The following PREX1 variants were observed in gnomAD, a reference collection of about 807,000 sequenced individuals.
The protein encoded by PREX1 is phosphatidylinositol 3,4,5-trisphosphate-dependent Rac exchanger 1 protein.
Under a neutral mutation model 198.3 loss-of-function variants are expected in PREX1, and 41 were observed. The observed-to-expected ratio is 0.21, with a 90% CI of 0.16 to 0.27. PREX1 has a LOEUF of 0.27. PREX1 is among the 10% of genes least tolerant of loss of function. PREX1 has a pLI of 1.00. For missense variants in PREX1, 1,620 were observed against 2,200.7 expected (o/e 0.74, Z 5.28); for synonymous variants, 843 against 887.2 (o/e 0.95, Z 0.89).
chr20:48,733,623 G>A (rs1023250436), intron 4 of PREX1, among the ~76,000 whole-genome samples: 1 of 152,082 alleles, frequency 6.6e-6, no homozygotes, highest in African/African-American at 2.4e-5. Context: ...GACATCATTT[G>A]AACACCCAGA....
chr20:48,717,052 A>T, intron 5 of PREX1, among the ~76,000 whole-genome samples: 1 of 152,174 alleles, frequency 6.6e-6, no homozygotes, highest in Middle Eastern at 3.2e-3. Flanking sequence ...ATGTCATAAA[A>T]ACAATAAAGT....
chr20:48,782,728 G>A (rs531778952), intron 1 of PREX1, among the ~76,000 whole-genome samples: 1 of 152,272 alleles, frequency 6.6e-6, no homozygotes, highest in Admixed American at 6.5e-5. Flanking sequence ...CCCAGGTAGA[G>A]GAAACAGCAC....
At chr20:48,776,919 C>T (rs907732632) in intron 1 of PREX1, among the ~76,000 whole-genome samples, 3 of 152,154 alleles carry the variant, frequency 2.0e-5, no homozygotes, top group Admixed American at 2.0e-4. Context: ...TCACACACAG[C>T]GAGTGGCAGA....
chr20:48,708,538 A>G, intron 5 of PREX1, 117 bp from the exon 6 acceptor site: 2 of 1,135,644 alleles, frequency 1.8e-6, no homozygotes, highest in South Asian at 1.5e-5. Flanking sequence ...TGGACATTAC[A>G]TTCTAGTAAA....
chr20:48,826,648 A>G (rs1477155016), intron 1 of PREX1, among the ~76,000 whole-genome samples: 1 of 152,222 alleles, frequency 6.6e-6, no homozygotes, highest in Non-Finnish European at 1.5e-5. Context: ...TGAGGCCAGG[A>G]GTCCAAGACC....
intron 25 of PREX1, 125 bp from the exon 26 acceptor site, chr20:48,646,182 A>G (rs2089449819): frequency 1.1e-6 from 1 of 927,892 alleles, no homozygotes; most frequent in Non-Finnish European, 1.6e-6. Context: ...GAGACTCGCA[A>G]GTTCTTTCAC....
chr20:48,861,107 CTA>C, the PREX1 span, among the ~76,000 whole-genome samples: 1 of 152,174 alleles, frequency 6.6e-6, no homozygotes, highest in Non-Finnish European at 1.5e-5. Context: ...CCAGCTCCTT[CTA>C]TAGATGTTAA....
chr20:48,673,930 T>C (rs2089692591), intron 14 of PREX1, among the ~76,000 whole-genome samples: 2 of 152,220 alleles, frequency 1.3e-5, no homozygotes, highest in Non-Finnish European at 2.9e-5. Context: ...GGAGAAGGTA[T>C]TGGTTTTAGC....
chr20:48,662,928 T>C (rs1174618576), intron 15 of PREX1, among the ~76,000 whole-genome samples: 1 of 152,082 alleles, frequency 6.6e-6, no homozygotes, highest in Non-Finnish European at 1.5e-5. Context: ...GGACCCCTAA[T>C]TACCCTCACC....
the PREX1 span, among the ~76,000 whole-genome samples, chr20:48,859,954 G>T: frequency 6.6e-6 from 1 of 152,192 alleles, no homozygotes; most frequent in Non-Finnish European, 1.5e-5. Flanking sequence ...GGAGGTGGAG[G>T]TTGCAGTGAG....
chr20:48,651,153 C>CG, intron 22 of PREX1, 98 bp from the exon 23 acceptor site: 1 of 1,449,302 alleles, frequency 6.9e-7, no homozygotes, highest in Non-Finnish European at 9.3e-7. Flanking sequence ...TAATACCCCC[C>CG]GGGAAGTCAG....
At chr20:48,668,287 GAC>G (rs1363956650) in intron 14 of PREX1, among the ~76,000 whole-genome samples, 5 of 152,192 alleles carry the variant, frequency 3.3e-5, no homozygotes, top group Non-Finnish European at 7.3e-5. Flanking sequence ...ACCAGGGGAG[GAC>G]AAGCTGAGTC....
intron 10 of PREX1, among the ~76,000 whole-genome samples, chr20:48,682,302 C>G (rs1203051541): frequency 1.3e-5 from 2 of 152,182 alleles, no homozygotes; most frequent in African/African-American, 2.4e-5. Context: ...AGAAGCCTTC[C>G]CTGACTACCT....
chr20:48,660,775 G>C (rs1031748434), intron 15 of PREX1, among the ~76,000 whole-genome samples: 1 of 152,164 alleles, frequency 6.6e-6, no homozygotes, highest in Non-Finnish European at 1.5e-5. Flanking sequence ...AAATCAACTA[G>C]AAAAAGCTCA....
the PREX1 span, among the ~76,000 whole-genome samples, chr20:48,848,532 C>T: frequency 6.6e-6 from 1 of 152,104 alleles, no homozygotes; most frequent in East Asian, 1.9e-4. Flanking sequence ...GCTAGGATTA[C>T]AGATGTGAGC....
At position 48,629,621 on chromosome 20, in the gene PREX1, G is replaced by A. The variant is rs1323792133; in HGVS notation, c.4594C>T (p.Leu1532=). The change falls in exon 37 of 40, where the codon CTG becomes TTG. Residue 1532 remains leucine, a splice_region_variant and synonymous_variant. Transcript: ENST00000371941. ...TCCAGGGCATTGATGGGGCGGATCA[G>A]CTGTAGGGGGTACCACACATAACCG... The part of the protein sequence containing the change: ...ASTTAVKIDQ[L]IRPINALDEL... The A allele has an allele frequency of 6.2e-7, 1 of 1,613,898 alleles. No individual in the cohort carries two copies. The highest frequency in any genetic ancestry group is 8.5e-7 in the Non-Finnish European group (1 of 1,179,866).
chr20:48,877,197 G>A, the PREX1 span, among the ~76,000 whole-genome samples: 2 of 151,650 alleles, frequency 1.3e-5, no homozygotes, highest in Admixed American at 1.3e-4. Flanking sequence ...CTTGAACCCA[G>A]AAGGTGGAGG....
At chr20:48,632,195 C>T (rs1427467645) in intron 35 of PREX1, 82 bp downstream of exon 35, 9 of 1,350,468 alleles carry the variant, frequency 6.7e-6, no homozygotes, top group East Asian at 2.3e-5. Context: ...GCTGGGGGTC[C>T]GCCTGGCACC....
chr20:48,804,660 T>C (rs1346337408), intron 1 of PREX1, among the ~76,000 whole-genome samples: 3 of 151,572 alleles, frequency 2.0e-5, no homozygotes, highest in African/African-American at 4.9e-5. Flanking sequence ...GGGGCAAGGG[T>C]GGAAGCATGG....
Sources: gnomAD v4.1 joint callset for allele counts (sites outside exome capture counted in the v4.1 genomes callset) on GRCh38, gnomAD v4.1.1 for gene constraint, MANE v1.5 for transcripts, NCBI Gene and HGNC (gene_info 2026-07-23, HGNC 2026-07-21) for gene names.